ELAPOR2: variants seen among roughly 807,000 people sequenced by gnomAD.
ELAPOR2 encodes endosome-lysosome associated apoptosis and autophagy regulator family member 2.
In ELAPOR2, 89 loss-of-function variants were observed where a neutral mutation model predicts 120.7. The observed-to-expected ratio is 0.74, with a 90% CI of 0.62 to 0.88. The LOEUF is 0.88. ELAPOR2 is among the 40% of genes least tolerant of loss of function. The pLI, the probability that ELAPOR2 is intolerant of heterozygous loss-of-function variation, is 0.00. For synonymous variants in ELAPOR2, 444 were observed against 444.9 expected (o/e 1.00, Z 0.03); for missense variants, 1,134 against 1,251.6 (o/e 0.91, Z 1.42).
intron 10 of ELAPOR2, among the ~76,000 whole-genome samples, chr7:86,921,506 T>A (rs948211718): frequency 6.6e-6 from 1 of 152,026 alleles, no homozygotes; most frequent in African/African-American, 2.4e-5. Flanking sequence ...AGAAGGGATA[T>A]TCCCCTAAAG....
At chr7:87,040,182 C>T (rs529017735) in intron 1 of ELAPOR2, among the ~76,000 whole-genome samples, 3,941 of 152,262 alleles carry the variant, frequency 0.026, 65 homozygotes, top group Non-Finnish European at 0.035. Flanking sequence ...AAGGCGGCAG[C>T]GAGGCTGGGG....
chr7:86,916,842 CAG>C (rs1261960414), intron 12 of ELAPOR2, among the ~76,000 whole-genome samples: 1 of 151,772 alleles, frequency 6.6e-6, no homozygotes, highest in African/African-American at 2.4e-5. Flanking sequence ...GTTTTTGAGA[CAG>C]GGCCTGTTGC....
At chr7:86,922,716 T>G (rs1433281657) in intron 10 of ELAPOR2, among the ~76,000 whole-genome samples, 1 of 151,960 alleles carries the variant, frequency 6.6e-6, no homozygotes, top group Non-Finnish European at 1.5e-5. Context: ...ACTTATCTAC[T>G]GTTGATTACA....
At chr7:86,907,334 C>T (rs896529092) in intron 18 of ELAPOR2, among the ~76,000 whole-genome samples, 1 of 152,086 alleles carries the variant, frequency 6.6e-6, no homozygotes, top group East Asian at 1.9e-4. Flanking sequence ...AGGAAAGCTA[C>T]TAATCCAGCT....
intron 1 of ELAPOR2, among the ~76,000 whole-genome samples, chr7:86,986,628 C>T (rs1341724202): frequency 2.7e-5 from 4 of 149,698 alleles, no homozygotes; most frequent in African/African-American, 7.5e-5. Context: ...ACCTAGAAAT[C>T]CAACTTACAA....
chr7:86,995,209 C>G (rs1326230638), intron 1 of ELAPOR2, among the ~76,000 whole-genome samples: 1 of 152,068 alleles, frequency 6.6e-6, no homozygotes, highest in East Asian at 1.9e-4. Flanking sequence ...TCTAATTGGC[C>G]AAGATAGGGT....
chr7:86,993,234 C>CAAAAAAAAAAAA (rs1159917841), intron 1 of ELAPOR2, among the ~76,000 whole-genome samples: 12 of 57,104 alleles, frequency 2.1e-4, no homozygotes, highest in East Asian at 5.6e-4. Context: ...GACTCCATCT[C>CAAAAAAAAAAAA]AAAAAAAAAA....
At chr7:86,925,409 C>A in intron 10 of ELAPOR2, 119 bp downstream of exon 10, 1 of 996,724 alleles carries the variant, frequency 1.0e-6, no homozygotes, top group Admixed American at 2.2e-5. Context: ...GGGCAAGCAG[C>A]CAAATGATAA....
At chr7:86,930,492 C>CTATATATATATCTA (rs1790280922) in intron 8 of ELAPOR2, among the ~76,000 whole-genome samples, 1 of 151,832 alleles carries the variant, frequency 6.6e-6, no homozygotes, top group Non-Finnish European at 1.5e-5. Flanking sequence ...CTTTGTCCTG[C>CTATATATATATCTA]TATATAATTT....
intron 4 of ELAPOR2, among the ~76,000 whole-genome samples, chr7:86,944,003 A>G (rs193067640): frequency 3.9e-5 from 6 of 152,196 alleles, no homozygotes; most frequent in Admixed American, 3.3e-4. Context: ...TCTAAAGCTC[A>G]TATTTCCATG....
intron 1 of ELAPOR2, among the ~76,000 whole-genome samples, chr7:87,055,219 T>C (rs1795225317): frequency 6.6e-6 from 1 of 152,186 alleles, no homozygotes; most frequent in Admixed American, 6.5e-5. Context: ...ACAAGCTCCT[T>C]ATCCCATCTT....
At chr7:86,935,483 T>C (rs1356171932) in intron 8 of ELAPOR2, among the ~76,000 whole-genome samples, 6 of 152,036 alleles carry the variant, frequency 3.9e-5, no homozygotes, top group African/African-American at 7.2e-5. Context: ...CTAATCCCAA[T>C]TGGAAATAAT....
At chr7:86,959,398 T>G (rs762508790) in intron 2 of ELAPOR2, among the ~76,000 whole-genome samples, 17 of 152,230 alleles carry the variant, frequency 1.1e-4, no homozygotes, top group Non-Finnish European at 1.9e-4. Context: ...CCTTGCCTTA[T>G]GCCAGATCTT....
chr7:87,027,032 T>C (rs1794266838), intron 1 of ELAPOR2, among the ~76,000 whole-genome samples: 1 of 152,104 alleles, frequency 6.6e-6, no homozygotes. Context: ...AAACCTAATT[T>C]CTCTCTATAC....
chr7:86,954,865 A>G (rs944153439), intron 2 of ELAPOR2, among the ~76,000 whole-genome samples: 2 of 152,130 alleles, frequency 1.3e-5, no homozygotes, highest in African/African-American at 4.8e-5. Context: ...CAAACCATAG[A>G]CATTCTTATA....
chr7:87,054,094 CA>C (rs1795192591), intron 1 of ELAPOR2, among the ~76,000 whole-genome samples: 1 of 152,032 alleles, frequency 6.6e-6, no homozygotes, highest in South Asian at 2.1e-4. Flanking sequence ...TGTATATATA[CA>C]TATTGAATAT....
intron 15 of ELAPOR2, 85 bp from the exon 16 acceptor site, chr7:86,910,086 G>C: frequency 2.0e-6 from 2 of 1,008,872 alleles, no homozygotes; most frequent in South Asian, 1.7e-5. Flanking sequence ...CCCTAGAAGA[G>C]CAGTGGCTCT....
intron 1 of ELAPOR2, among the ~76,000 whole-genome samples, chr7:86,983,140 AAG>A (rs760615029): frequency 2.0e-5 from 3 of 152,202 alleles, no homozygotes; most frequent in Non-Finnish European, 4.4e-5. Flanking sequence ...TTAGAGAAAA[AAG>A]AGTAAAAAGA....
chr7:86,964,017 T>C (rs1052786799), intron 2 of ELAPOR2, among the ~76,000 whole-genome samples: 3 of 152,184 alleles, frequency 2.0e-5, no homozygotes, highest in African/African-American at 7.2e-5. Context: ...ATGCTAAAAC[T>C]CCTCCAGCTA....
Sources: gnomAD v4.1 joint callset for allele counts (sites outside exome capture counted in the v4.1 genomes callset) on GRCh38, gnomAD v4.1.1 for gene constraint, MANE v1.5 for transcripts, NCBI Gene and HGNC (gene_info 2026-07-23, HGNC 2026-07-21) for gene names.